Variants in TMEM17 observed in about 807,000 individuals in gnomAD.
TMEM17 encodes transmembrane protein 17.
A neutral mutation model predicts 19.1 loss-of-function variants in TMEM17; 15 were observed. That is an observed-to-expected ratio of 0.78 (90% CI 0.52 to 1.21). The LOEUF (loss-of-function observed/expected upper bound fraction) is 1.21. TMEM17 is among the 50% of genes most tolerant of loss of function. TMEM17 has a pLI of 0.00. For synonymous variants in TMEM17, 103 were observed against 86.9 expected (o/e 1.19, Z -1.03); for missense variants, 245 against 242.3 (o/e 1.01, Z -0.07).
chr2:62,455,832 A>G, the TMEM17 span, among the ~76,000 whole-genome samples: 1 of 152,358 alleles, frequency 6.6e-6, no homozygotes, highest in South Asian at 2.1e-4. Flanking sequence ...TCTCATCAGC[A>G]ATATATGAAA....
the TMEM17 span, among the ~76,000 whole-genome samples, chr2:62,487,290 G>A: frequency 8.5e-5 from 13 of 152,094 alleles, no homozygotes; most frequent in South Asian, 2.1e-4. Flanking sequence ...ATAGCTGGTC[G>A]GGCCTTTCTC....
the TMEM17 span, among the ~76,000 whole-genome samples, chr2:62,462,186 C>T: frequency 1.3e-5 from 2 of 152,208 alleles, no homozygotes; most frequent in Non-Finnish European, 2.9e-5. Flanking sequence ...CACTCAAGTG[C>T]ATCTCCATAA....
the TMEM17 span, among the ~76,000 whole-genome samples, chr2:62,494,589 T>G: frequency 6.6e-6 from 1 of 152,184 alleles, no homozygotes; most frequent in Non-Finnish European, 1.5e-5. Flanking sequence ...TAACTCAAGA[T>G]CAGGAACTAA....
chr2:62,465,528 T>A, the TMEM17 span, among the ~76,000 whole-genome samples: 1 of 151,944 alleles, frequency 6.6e-6, no homozygotes, highest in Non-Finnish European at 1.5e-5. Context: ...ATCCTAGCAC[T>A]TTGGGAGGCT....
chr2:62,463,671 T>C, the TMEM17 span, among the ~76,000 whole-genome samples: 2 of 152,174 alleles, frequency 1.3e-5, no homozygotes, highest in Non-Finnish European at 2.9e-5. Context: ...AGAGAAATTC[T>C]AGGCAGAAAA....
chr2:62,491,185 G>GTGC, the TMEM17 span: 1 of 152,272 alleles, frequency 6.6e-6, no homozygotes, highest in Non-Finnish European at 1.5e-5. Context: ...TTAGCTGGGC[G>GTGC]TGCTGGAGTG....
At chr2:62,466,690 A>T in the TMEM17 span, among the ~76,000 whole-genome samples, 3 of 152,174 alleles carry the variant, frequency 2.0e-5, no homozygotes, top group Non-Finnish European at 2.9e-5. Context: ...GAATAGACCA[A>T]CTGGAGGACC....
the TMEM17 span, among the ~76,000 whole-genome samples, chr2:62,472,654 G>C: frequency 1.3e-5 from 2 of 152,148 alleles, no homozygotes; most frequent in East Asian, 3.9e-4. Flanking sequence ...AGGTCAAGGG[G>C]ATCTCCTCAG....
At chr2:62,496,212 C>G (rs1209023886), downstream of TMEM17, among the ~76,000 whole-genome samples, 1 of 151,950 alleles carries the variant, frequency 6.6e-6, no homozygotes, top group Non-Finnish European at 1.5e-5. Context: ...TAGAATTGTG[C>G]GTGGTGAATA....
intron 1 of TMEM17, among the ~76,000 whole-genome samples, chr2:62,504,915 G>A (rs1449563041): frequency 2.6e-5 from 4 of 152,130 alleles, no homozygotes; most frequent in Non-Finnish European, 4.4e-5. Context: ...GGCCTACAAA[G>A]TCTAAAATAT....
the TMEM17 span, among the ~76,000 whole-genome samples, chr2:62,468,605 G>A: frequency 1.3e-5 from 2 of 152,148 alleles, no homozygotes; most frequent in African/African-American, 4.8e-5. Context: ...TTGTCACAGT[G>A]GACTGAGTGT....
In TMEM17 at chr2:62,506,166, G is replaced by T; in HGVS notation, c.-37C>A. The T allele has an allele frequency of 6.5e-7, 1 of 1,543,634 alleles. No homozygotes were observed. Among genetic ancestry groups the T allele is most frequent in the South Asian group, 1.2e-5 (1 of 84,034 alleles). On this transcript the variant is annotated 5_prime_UTR_variant, in exon 1 of 4. Coordinates refer to ENST00000335390, the MANE Select transcript of TMEM17 (RefSeq NM_198276.3). ...AGTATCCCTCACCCCCTCAGACACG[G>T]GCTAGTCTGCGGGCGCTCCGAGGCT...
At chr2:62,476,534 A>G in the TMEM17 span, among the ~76,000 whole-genome samples, 1 of 152,248 alleles carries the variant, frequency 6.6e-6, no homozygotes, top group Non-Finnish European at 1.5e-5. Context: ...GAAGTAAAAA[A>G]TGCATCTGAT....
chr2:62,481,713 G>C, the TMEM17 span, among the ~76,000 whole-genome samples: 14 of 151,688 alleles, frequency 9.2e-5, no homozygotes, highest in Non-Finnish European at 1.6e-4. Context: ...GTGTGTGTGT[G>C]TGTGTGTGTG....
chr2:62,493,101 C>T, the TMEM17 span, among the ~76,000 whole-genome samples: 1 of 152,196 alleles, frequency 6.6e-6, no homozygotes, highest in Non-Finnish European at 1.5e-5. Flanking sequence ...GTGATCACAG[C>T]TCACTGTAGT....
the TMEM17 span, among the ~76,000 whole-genome samples, chr2:62,453,647 A>G: frequency 1.3e-5 from 2 of 152,074 alleles, no homozygotes; most frequent in Admixed American, 6.5e-5. Context: ...ATAAACAAAA[A>G]CCTCTGTAGA....
downstream of TMEM17, among the ~76,000 whole-genome samples, chr2:62,495,538 C>A (rs534893922): frequency 4.6e-5 from 7 of 152,088 alleles, no homozygotes; most frequent in African/African-American, 1.7e-4. Context: ...AAGATATATA[C>A]CCATAACAAG....
the TMEM17 span, among the ~76,000 whole-genome samples, chr2:62,472,227 A>G: frequency 1.3e-5 from 2 of 152,242 alleles, no homozygotes; most frequent in African/African-American, 4.8e-5. Flanking sequence ...GTATTTTCCA[A>G]CAAAAGCTCT....
the TMEM17 span, among the ~76,000 whole-genome samples, chr2:62,477,356 C>T: frequency 6.6e-6 from 1 of 151,996 alleles, no homozygotes; most frequent in Non-Finnish European, 1.5e-5. Context: ...AGGATCGCAC[C>T]ACTGTACTCC....
Sources: allele counts gnomAD v4.1 joint callset (sites outside exome capture counted in the v4.1 genomes callset), GRCh38; gene constraint gnomAD v4.1.1; transcripts MANE v1.5; gene names NCBI Gene and HGNC (gene_info 2026-07-23, HGNC 2026-07-21).